MARCHF11: variants seen among roughly 807,000 people sequenced by gnomAD.
MARCHF11 encodes the protein membrane associated ring-CH-type finger 11.
In MARCHF11, 29 loss-of-function variants were observed where a neutral mutation model predicts 37.3. The observed-to-expected ratio is 0.78, with a 90% CI of 0.58 to 1.06. The LOEUF (loss-of-function observed/expected upper bound fraction) is 1.06, where lower values mean the gene tolerates loss of function less well. MARCHF11 is among the 50% of genes least tolerant of loss of function. MARCHF11 has a pLI of 0.00. For synonymous variants in MARCHF11, 233 were observed against 228.0 expected, an observed-to-expected ratio of 1.02 and a Z score of -0.20; for missense variants, 482 against 533.4, an observed-to-expected ratio of 0.90 and a Z score of 0.95.
intron 2 of MARCHF11, among the ~76,000 whole-genome samples, chr5:16,146,050 A>G (rs1041341684): frequency 6.6e-6 from 1 of 152,158 alleles, no homozygotes; most frequent in African/African-American, 2.4e-5. Context: ...TTTAGGGAAC[A>G]CCTTAAACCA....
chr5:16,155,028 T>C (rs761016017), intron 2 of MARCHF11, among the ~76,000 whole-genome samples: 1 of 151,864 alleles, frequency 6.6e-6, no homozygotes, highest in African/African-American at 2.4e-5. Context: ...TCTGTAGGGT[T>C]TGACACATCA....
chr5:16,174,549 T>A (rs981164354), intron 2 of MARCHF11, among the ~76,000 whole-genome samples: 1 of 152,250 alleles, frequency 6.6e-6, no homozygotes, highest in African/African-American at 2.4e-5. Context: ...ACACACCTGC[T>A]TCCTGATAAC....
intron 3 of MARCHF11, among the ~76,000 whole-genome samples, chr5:16,085,870 G>T (rs572352656): frequency 5.3e-4 from 76 of 144,086 alleles, no homozygotes; most frequent in Non-Finnish European, 8.2e-4. Flanking sequence ...AACCCGGGAG[G>T]TGGAGCTTGC....
intron 2 of MARCHF11, among the ~76,000 whole-genome samples, chr5:16,160,706 C>T: frequency 6.6e-6 from 1 of 151,792 alleles, no homozygotes; most frequent in South Asian, 2.1e-4. Context: ...TTGATTAAAT[C>T]AAAATCTCAT....
chr5:16,147,424 T>C (rs976475789), intron 2 of MARCHF11, among the ~76,000 whole-genome samples: 29 of 152,188 alleles, frequency 1.9e-4, no homozygotes, highest in African/African-American at 7.0e-4. Context: ...GTTAAAATAC[T>C]GGCCCAAGGT....
chr5:16,179,551 C>A lies in MARCHF11; in HGVS notation c.25G>T (p.Gly9Cys). The A allele has an allele frequency of 3.4e-6, 4 of 1,184,864 alleles. No homozygotes were observed. Among genetic ancestry groups the A allele is most frequent in the South Asian group, 4.2e-5 (1 of 23,798 alleles). 73.4% of individuals were successfully genotyped at this position (1,184,864 alleles called of 1,614,324 possible). A position where few individuals can be genotyped will look rare whatever the true frequency, so the allele number is the denominator to read the frequency against. ...CTCTCCGCCCCGCGACACCGACTGCCGCCGTGGCCGCCCTCAAAGCTCATG... is the reference window on the plus strand; with the variant it reads ...CTCTCCGCCCCGCGACACCGACTGCAGCCGTGGCCGCCCTCAAAGCTCATG... MSFEGGHG[G>C]SRCRGAESGD... Residue 9 changes from glycine to cysteine, a missense_variant, in exon 1 of 4, where the codon GGC becomes TGC. Physicochemically the swap from Gly to Cys is radical, Grantham distance 159 (BLOSUM62 -3). Coordinates refer to ENST00000332432, the MANE Select transcript of MARCHF11 (RefSeq NM_001102562.3).
intron 2 of MARCHF11, among the ~76,000 whole-genome samples, chr5:16,124,485 A>C (rs1737366011): frequency 6.6e-6 from 1 of 152,174 alleles, no homozygotes; most frequent in Non-Finnish European, 1.5e-5. Flanking sequence ...TCCTGAACTC[A>C]AAAGTAAGAC....
At chr5:16,121,771 T>C (rs553028140) in intron 2 of MARCHF11, among the ~76,000 whole-genome samples, 12 of 152,326 alleles carry the variant, frequency 7.9e-5, no homozygotes, top group African/African-American at 2.6e-4. Flanking sequence ...AATGTGTTTA[T>C]GCTCAGTAAA....
At chr5:16,073,088 T>C (rs536249083) in intron 3 of MARCHF11, among the ~76,000 whole-genome samples, 1 of 152,264 alleles carries the variant, frequency 6.6e-6, no homozygotes, top group South Asian at 2.1e-4. Context: ...TAGATATAAT[T>C]CCATGTCATT....
At chr5:16,070,421 T>C (rs1048447465) in intron 3 of MARCHF11, among the ~76,000 whole-genome samples, 3 of 152,204 alleles carry the variant, frequency 2.0e-5, no homozygotes, top group African/African-American at 7.2e-5. Flanking sequence ...AGTGAATCTA[T>C]GTGGTGGGGA....
rs759674841 is a variant in MARCHF11 at position 16,179,184 on chromosome 5, TCGCGCTCGCCGCC to T, written c.379_391del (p.Gly127SerfsTer53). The T allele has an allele frequency of 7.4e-7, 1 of 1,354,936 alleles. No homozygotes were observed. Among genetic ancestry groups the T allele is most frequent in the South Asian group, 1.8e-5 (1 of 54,398 alleles). 83.9% of individuals were successfully genotyped at this position (1,354,936 alleles called of 1,614,324 possible). The stretch of plus-strand genomic sequence containing the variant: ...GGGCTGGTCTCCGGCGCCCCGCCGC[TCGCGCTCGCCGCC>T]CGCGCCGGCCTCAGACTCCCCGGGG... On this transcript the variant is annotated frameshift_variant, in exon 1 of 4. Transcript: ENST00000332432. LOFTEE classifies it high-confidence loss of function.
intron 2 of MARCHF11, among the ~76,000 whole-genome samples, chr5:16,093,597 G>A (rs1215656161): frequency 1.3e-5 from 2 of 152,112 alleles, no homozygotes; most frequent in Non-Finnish European, 1.5e-5. Context: ...ATGAGGTGTG[G>A]CTGCTTCTAG....
intron 2 of MARCHF11, among the ~76,000 whole-genome samples, chr5:16,170,005 C>T (rs966322735): frequency 6.6e-6 from 1 of 152,094 alleles, no homozygotes; most frequent in African/African-American, 2.4e-5. Context: ...GAGGAAATAG[C>T]CTGTTGTCTG....
At chr5:16,127,258 T>G (rs1019122688) in intron 2 of MARCHF11, among the ~76,000 whole-genome samples, 5 of 152,148 alleles carry the variant, frequency 3.3e-5, no homozygotes, top group African/African-American at 1.2e-4. Context: ...TGCCTTTTCC[T>G]GCAGTCAGGT....
intron 2 of MARCHF11, among the ~76,000 whole-genome samples, chr5:16,112,274 C>T (rs1346102867): frequency 6.6e-6 from 1 of 152,180 alleles, no homozygotes; most frequent in South Asian, 2.1e-4. Flanking sequence ...ACACTCAACA[C>T]CAGCCCATGA....
At chr5:16,128,599 C>T (rs1043017288) in intron 2 of MARCHF11, among the ~76,000 whole-genome samples, 5 of 152,164 alleles carry the variant, frequency 3.3e-5, no homozygotes, top group South Asian at 2.1e-4. Flanking sequence ...TTACCACTTA[C>T]GTGATTCTAA....
chr5:16,081,055 C>T (rs1419612143), intron 3 of MARCHF11, among the ~76,000 whole-genome samples: 1 of 152,164 alleles, frequency 6.6e-6, no homozygotes, highest in East Asian at 1.9e-4. Context: ...TAGGTCTAGG[C>T]TTTTGCCTCT....
In MARCHF11 at chr5:16,090,942, A is replaced by G; in HGVS notation, c.833T>C (p.Ile278Thr). The change falls in exon 3 of 4, where the codon ATC becomes ACC. Residue 278 changes from isoleucine to threonine, a missense_variant. Physicochemically the swap from Ile to Thr is moderately conservative, Grantham distance 89 (BLOSUM62 -1). Transcript: ENST00000332432. ...CATTCCATAGCAGATCTGAAAAAGG[A>G]TGTCCTTCCTCTGCCACACTGCATA... is the stretch of plus-strand genomic sequence containing the variant. The part of the protein sequence containing the change: ...SPYAVWQRKD[I>T]LFQICYGMYG... 1 of 1,611,444 alleles carries G rather than the reference A, an allele frequency of 6.2e-7. No individual in the cohort carries two copies. Among genetic ancestry groups the G allele is most frequent in the Non-Finnish European group, 8.5e-7 (1 of 1,179,420 alleles).
chr5:16,083,533 TA>T (rs1469656375), intron 3 of MARCHF11, among the ~76,000 whole-genome samples: 2 of 152,204 alleles, frequency 1.3e-5, no homozygotes, highest in Non-Finnish European at 2.9e-5. Flanking sequence ...GCAATGAACT[TA>T]AGGCTCTCCT....
Sources: allele counts gnomAD v4.1 joint callset (sites outside exome capture counted in the v4.1 genomes callset), GRCh38; gene constraint gnomAD v4.1.1; transcripts MANE v1.5; gene names NCBI Gene and HGNC (gene_info 2026-07-23, HGNC 2026-07-21).